MRC1: variants seen among roughly 807,000 people sequenced by gnomAD.
The protein encoded by MRC1 is macrophage mannose receptor 1.
In MRC1, 62 loss-of-function variants were observed where a neutral mutation model predicts 102.9. The ratio of observed to expected loss-of-function variants is 0.60; its 90% CI spans 0.49 to 0.74. The LOEUF is 0.74. Among genes scored for constraint, MRC1 ranks in the 30% least tolerant of loss-of-function variants. The pLI is 0.00. For synonymous variants in MRC1, 457 were observed against 298.4 expected (o/e 1.53, Z -5.48); for missense variants, 1,237 against 862.8 (o/e 1.43, Z -5.43).
chr10:17,810,663 A>G (rs1004449376), intron 1 of MRC1, among the ~76,000 whole-genome samples: 4,133 of 152,292 alleles, frequency 0.027, 195 homozygotes, highest in African/African-American at 0.094. Flanking sequence ...TGATGATTCA[A>G]TGAGTAACAA....
chr10:17,891,551 C>T (rs1833676764), intron 22 of MRC1, among the ~76,000 whole-genome samples: 1 of 152,150 alleles, frequency 6.6e-6, no homozygotes, highest in Non-Finnish European at 1.5e-5. Flanking sequence ...ATCTCGAAAC[C>T]ACCCTCCACC....
intron 22 of MRC1, among the ~76,000 whole-genome samples, chr10:17,890,690 G>A (rs1254250316): frequency 1.3e-5 from 2 of 152,172 alleles, no homozygotes; most frequent in Non-Finnish European, 2.9e-5. Flanking sequence ...CAAACTGTGT[G>A]TGTGTTTTTA....
At chr10:17,851,162 T>C (rs1390749523) in intron 7 of MRC1, among the ~76,000 whole-genome samples, 2 of 152,296 alleles carry the variant, frequency 1.3e-5, no homozygotes, top group South Asian at 4.1e-4. Context: ...TATAACATAA[T>C]GTAGTGAAAG....
intron 16 of MRC1, 51 bp downstream of exon 16, chr10:17,873,876 C>T (rs1210664854): frequency 1.2e-6 from 1 of 866,158 alleles, no homozygotes; most frequent in Non-Finnish European, 2.0e-6. Flanking sequence ...CTTTCTCCGC[C>T]TCTTTCCTTT....
intron 9 of MRC1, 70 bp from the exon 10 acceptor site, chr10:17,861,314 AAAT>A (rs1410663410): frequency 1.3e-5 from 9 of 698,800 alleles, no homozygotes; most frequent in East Asian, 2.9e-5. Flanking sequence ...ACTGCATCTC[AAAT>A]AATAATAATA....
intron 1 of MRC1, among the ~76,000 whole-genome samples, chr10:17,813,505 A>G (rs34746666): frequency 0.12 from 18,189 of 151,938 alleles, 1,155 homozygotes; most frequent in Middle Eastern, 0.2. Flanking sequence ...TTTTTTCACA[A>G]AACTGAATTA....
intron 11 of MRC1, among the ~76,000 whole-genome samples, chr10:17,864,154 C>G (rs1833227298): frequency 6.6e-6 from 1 of 152,022 alleles, no homozygotes; most frequent in African/African-American, 2.4e-5. Context: ...AGGCATGTAC[C>G]AGCACGCCTG....
At chr10:17,826,048 A>C (rs1248371440) in intron 2 of MRC1, among the ~76,000 whole-genome samples, 1 of 152,320 alleles carries the variant, frequency 6.6e-6, no homozygotes, top group South Asian at 2.1e-4. Context: ...AATAAACCTA[A>C]TATTTAAAGA....
At chr10:17,860,699 T>A (rs1833171658) in intron 9 of MRC1, among the ~76,000 whole-genome samples, 1 of 152,248 alleles carries the variant, frequency 6.6e-6, no homozygotes, top group African/African-American at 2.4e-5. Context: ...TAGTATTGTC[T>A]TCCATAGGCA....
intron 12 of MRC1, among the ~76,000 whole-genome samples, chr10:17,869,066 G>C (rs1322607302): frequency 2.6e-5 from 4 of 152,112 alleles, no homozygotes; most frequent in African/African-American, 9.7e-5. Flanking sequence ...AGCAGAGAAG[G>C]GTATCAGGGG....
rs928699702 is a variant in MRC1, at chr10:17,863,385, G to A, written c.1635-149G>A. 2.0e-3 allele frequency: 1,321 copies of A among 667,994 alleles called. 24 individuals carry two copies. In the East Asian group the frequency reaches 0.03, roughly 15 times the overall value. The allele number at this position is 667,994 out of a possible 1,614,324, so 41.4% of individuals were successfully genotyped here. On this transcript the variant is annotated intron_variant, in intron 10 of 29. Coordinates refer to ENST00000569591, the MANE Select transcript of MRC1 (RefSeq NM_002438.4). ...CCTTGGTGACAATGTGTATAATGTA[G>A]ATGACATACAAATATAACACAATAT... is the stretch of plus-strand genomic sequence containing the variant.
intron 8 of MRC1, among the ~76,000 whole-genome samples, chr10:17,854,001 TC>T (rs1351285202): frequency 2.0e-5 from 3 of 152,158 alleles, no homozygotes; most frequent in Admixed American, 1.3e-4. Flanking sequence ...AGAGTCTTGC[TC>T]TGTCACCCAG....
At chr10:17,834,903 C>T (rs1838639896) in intron 4 of MRC1, among the ~76,000 whole-genome samples, 1 of 152,112 alleles carries the variant, frequency 6.6e-6, no homozygotes, top group Admixed American at 6.5e-5. Flanking sequence ...CTCCTCCCTC[C>T]AGTTTTTCTG....
At chr10:17,810,227 T>A (rs1044026388) in intron 1 of MRC1, among the ~76,000 whole-genome samples, 1 of 152,190 alleles carries the variant, frequency 6.6e-6, no homozygotes, top group Non-Finnish European at 1.5e-5. Flanking sequence ...CTTTTCTATT[T>A]CTCTATACTC....
intron 8 of MRC1, among the ~76,000 whole-genome samples, chr10:17,855,293 C>T (rs1459442428): frequency 1.3e-5 from 2 of 152,052 alleles, no homozygotes; most frequent in South Asian, 2.1e-4. Context: ...TGCATGCGGC[C>T]GGGCCCAGTG....
At chr10:17,886,973 A>C (rs1833606579) in intron 22 of MRC1, among the ~76,000 whole-genome samples, 3 of 150,226 alleles carry the variant, frequency 2.0e-5, no homozygotes, top group East Asian at 3.9e-4. Flanking sequence ...ACAACAACAA[A>C]AAAAGCAGTG....
At chr10:17,869,973 T>C (rs1833331659) in intron 12 of MRC1, among the ~76,000 whole-genome samples, 1 of 152,222 alleles carries the variant, frequency 6.6e-6, no homozygotes, top group Non-Finnish European at 1.5e-5. Flanking sequence ...ACATAACCCA[T>C]ATGCCTAAAG....
Position 17,910,655 on chromosome 10 carries a change from A to T in MRC1, c.*190A>T. On this transcript the variant is annotated 3_prime_UTR_variant, in exon 30 of 30. Transcript: ENST00000569591. ...GGCAAGATATTTTCATAAAAGAGGG[A>T]TAACAATGCTGATTACTACCTTTTA... 1 of 651,282 alleles carries T rather than the reference A, an allele frequency of 1.5e-6. No individual in the cohort carries two copies. The highest frequency in any genetic ancestry group is 2.7e-6 in the Non-Finnish European group (1 of 364,090). The allele number at this position is 651,282 out of a possible 1,614,324, so 40.3% of individuals were successfully genotyped here.
intron 8 of MRC1, chr10:17,854,738 G>T: frequency 8.7e-6 from 2 of 228,892 alleles, no homozygotes; most frequent in South Asian, 4.7e-5. Context: ...GCCCAGGCTG[G>T]AGTGCAATGG....
Sources: gnomAD v4.1 joint callset for allele counts (sites outside exome capture counted in the v4.1 genomes callset) on GRCh38, gnomAD v4.1.1 for gene constraint, MANE v1.5 for transcripts, NCBI Gene and HGNC (gene_info 2026-07-23, HGNC 2026-07-21) for gene names.